Variants in CCSER1 observed in about 807,000 individuals in gnomAD.
CCSER1 encodes the protein serine-rich coiled-coil domain-containing protein 1.
A neutral mutation model predicts 82.0 loss-of-function variants in CCSER1; 41 were observed. The ratio of observed to expected loss-of-function variants is 0.50; its 90% CI spans 0.39 to 0.65. The LOEUF (loss-of-function observed/expected upper bound fraction) is 0.65. CCSER1 is among the 30% of genes least tolerant of loss of function. The probability of loss-of-function intolerance (pLI) is 0.00; values close to 1 mark genes in which losing one functional copy is unlikely to be tolerated. For synonymous variants in CCSER1, 414 were observed against 383.9 expected (o/e 1.08, Z -0.92); for missense variants, 1,119 against 1,064.2 (o/e 1.05, Z -0.72).
At chr4:90,414,923 T>TTATG (rs1755569964) in intron 4 of CCSER1, among the ~76,000 whole-genome samples, 1 of 152,130 alleles carries the variant, frequency 6.6e-6, no homozygotes, top group African/African-American at 2.4e-5. Flanking sequence ...TTCTATTCAC[T>TTATG]TATGCATCTT....
At chr4:90,847,016 T>C (rs558644156) in intron 8 of CCSER1, among the ~76,000 whole-genome samples, 2 of 152,352 alleles carry the variant, frequency 1.3e-5, no homozygotes, top group African/African-American at 4.8e-5. Context: ...ATGGGGTGTC[T>C]TCGTTCCCTC....
intron 10 of CCSER1, among the ~76,000 whole-genome samples, chr4:91,100,065 G>A (rs1724902955): frequency 6.6e-6 from 1 of 152,068 alleles, no homozygotes; most frequent in South Asian, 2.1e-4. Flanking sequence ...GTCTTGTAAT[G>A]TTATGCCAGA....
chr4:90,340,098 T>C (rs1011842945), intron 3 of CCSER1, among the ~76,000 whole-genome samples: 2 of 152,156 alleles, frequency 1.3e-5, no homozygotes, highest in African/African-American at 4.8e-5. Context: ...TACTATTATA[T>C]TTTCCCCCCA....
chr4:90,974,050 G>C (rs1016316628), intron 9 of CCSER1, among the ~76,000 whole-genome samples: 4 of 151,438 alleles, frequency 2.6e-5, no homozygotes, highest in African/African-American at 9.7e-5. Context: ...TGGTTTTCAG[G>C]GGCTGGGATA....
At chr4:91,538,674 T>C (rs1761420801) in intron 10 of CCSER1, among the ~76,000 whole-genome samples, 1 of 57,406 alleles carries the variant, frequency 1.7e-5, no homozygotes, top group Non-Finnish European at 3.6e-5. Flanking sequence ...TATATGTGTA[T>C]ATATGATATA....
chr4:91,114,524 C>T (rs1726380288), intron 10 of CCSER1, among the ~76,000 whole-genome samples: 1 of 152,184 alleles, frequency 6.6e-6, no homozygotes. Context: ...AGAGGTATCA[C>T]TGTAGAAACC....
intron 10 of CCSER1, among the ~76,000 whole-genome samples, chr4:91,164,911 A>T (rs1731865564): frequency 6.6e-6 from 1 of 152,214 alleles, no homozygotes; most frequent in Admixed American, 6.5e-5. Context: ...GTTATTACCG[A>T]CCTTCTGAAG....
chr4:90,746,980 A>G (rs1238692302), intron 7 of CCSER1, among the ~76,000 whole-genome samples: 3 of 152,176 alleles, frequency 2.0e-5, no homozygotes, highest in Non-Finnish European at 1.5e-5. Context: ...CTACTGTACT[A>G]TTTTATTTTA....
intron 10 of CCSER1, among the ~76,000 whole-genome samples, chr4:91,535,495 C>T (rs983585357): frequency 6.6e-6 from 1 of 151,686 alleles, no homozygotes; most frequent in African/African-American, 2.4e-5. Context: ...ATAACCAAAT[C>T]TTCCACTAGG....
At chr4:90,156,020 A>T (rs1329106609) in intron 1 of CCSER1, among the ~76,000 whole-genome samples, 1 of 151,982 alleles carries the variant, frequency 6.6e-6, no homozygotes, top group African/African-American at 2.4e-5. Flanking sequence ...AGTGCTATAA[A>T]TTTCCCTCTA....
intron 10 of CCSER1, among the ~76,000 whole-genome samples, chr4:91,477,274 C>G (rs1340930471): frequency 6.6e-6 from 1 of 151,604 alleles, no homozygotes; most frequent in Non-Finnish European, 1.5e-5. Flanking sequence ...TAAGACAATT[C>G]TCAAAAGAAG....
intron 8 of CCSER1, among the ~76,000 whole-genome samples, chr4:90,852,014 A>T (rs1034831675): frequency 1.3e-5 from 2 of 152,246 alleles, no homozygotes; most frequent in Non-Finnish European, 1.5e-5. Flanking sequence ...AACAGAAATT[A>T]TACCTTAATT....
At chr4:91,232,325 A>C (rs956156295) in intron 10 of CCSER1, among the ~76,000 whole-genome samples, 1 of 151,840 alleles carries the variant, frequency 6.6e-6, no homozygotes, top group Non-Finnish European at 1.5e-5. Context: ...AAACAATCTC[A>C]ATATCCACTG....
At chr4:91,480,146 T>C (rs1447977060) in intron 10 of CCSER1, among the ~76,000 whole-genome samples, 3 of 151,800 alleles carry the variant, frequency 2.0e-5, no homozygotes, top group Non-Finnish European at 4.4e-5. Flanking sequence ...CTATCATTGT[T>C]GGACATTTGG....
At chr4:91,251,927 G>A (rs1740289035) in intron 10 of CCSER1, among the ~76,000 whole-genome samples, 1 of 152,052 alleles carries the variant, frequency 6.6e-6, no homozygotes, top group African/African-American at 2.4e-5. Flanking sequence ...GAATATTTGA[G>A]GAAAGAATGG....
At chr4:90,600,556 T>A (rs750795928) in intron 5 of CCSER1, among the ~76,000 whole-genome samples, 10 of 152,144 alleles carry the variant, frequency 6.6e-5, no homozygotes, top group Non-Finnish European at 1.5e-4. Context: ...ATATTTTGGA[T>A]ACATGTCAAT....
At chr4:90,901,141 A>G (rs535610823) in intron 8 of CCSER1, among the ~76,000 whole-genome samples, 12 of 152,080 alleles carry the variant, frequency 7.9e-5, no homozygotes, top group Admixed American at 6.6e-4. Flanking sequence ...TTTGCATGAT[A>G]CATCTTTCTT....
At chr4:90,353,970 A>T (rs778438318) in intron 3 of CCSER1, among the ~76,000 whole-genome samples, 1 of 152,222 alleles carries the variant, frequency 6.6e-6, no homozygotes, top group Non-Finnish European at 1.5e-5. Flanking sequence ...TTCCTTTGAG[A>T]GATCTCAAAG....
At chr4:91,386,362 C>T (rs1475416106) in intron 10 of CCSER1, among the ~76,000 whole-genome samples, 1 of 151,974 alleles carries the variant, frequency 6.6e-6, no homozygotes, top group African/African-American at 2.4e-5. Flanking sequence ...TGTTTAACAA[C>T]AGAATTCATG....
Sources: gnomAD v4.1 joint callset for allele counts (sites outside exome capture counted in the v4.1 genomes callset) on GRCh38, gnomAD v4.1.1 for gene constraint, MANE v1.5 for transcripts, NCBI Gene and HGNC (gene_info 2026-07-23, HGNC 2026-07-21) for gene names.